BACH2: variants seen among roughly 807,000 people sequenced by gnomAD.
The protein encoded by BACH2 is BACH transcriptional regulator 2.
A neutral mutation model predicts 61.8 loss-of-function variants in BACH2; 5 were observed. The observed-to-expected ratio is 0.08, with a 90% confidence interval of 0.04 to 0.17. BACH2 has a LOEUF of 0.17. BACH2 is among the 10% of genes least tolerant of loss of function. The probability of loss-of-function intolerance (pLI) is 1.00; values close to 1 mark genes in which losing one functional copy is unlikely to be tolerated. For synonymous variants in BACH2, 446 were observed against 440.1 expected, an observed-to-expected ratio of 1.01 and a Z score of -0.17; for missense variants, 824 against 1,091.1, an observed-to-expected ratio of 0.76 and a Z score of 3.45.
chr6:90,089,399 G>C (rs887921689), intron 4 of BACH2, among the ~76,000 whole-genome samples: 29 of 151,966 alleles, frequency 1.9e-4, no homozygotes, highest in African/African-American at 6.3e-4. Flanking sequence ...CAGCCTAGGA[G>C]ATAGGTCCAT....
chr6:89,959,097 G>GCGCACACACACACA (rs1554220437), intron 6 of BACH2, among the ~76,000 whole-genome samples: 2 of 134,484 alleles, frequency 1.5e-5, no homozygotes, highest in East Asian at 4.7e-4. Flanking sequence ...ATGCACAAGT[G>GCGCACACACACACA]CACACACACA....
intron 5 of BACH2, among the ~76,000 whole-genome samples, chr6:90,072,223 C>T (rs541051966): frequency 4.6e-5 from 7 of 152,294 alleles, no homozygotes; most frequent in Non-Finnish European, 8.8e-5. Context: ...ATAGCCAAAG[C>T]ACTGGCAATG....
chr6:89,971,274 G>A (rs1775343169), intron 6 of BACH2, among the ~76,000 whole-genome samples: 1 of 152,170 alleles, frequency 6.6e-6, no homozygotes, highest in African/African-American at 2.4e-5. Context: ...TATAGGCTGA[G>A]AACAAGGTAA....
At chr6:89,943,282 C>A (rs74574920) in intron 7 of BACH2, among the ~76,000 whole-genome samples, 1 of 152,126 alleles carries the variant, frequency 6.6e-6, no homozygotes, top group Non-Finnish European at 1.5e-5. Context: ...CCTGGAATGC[C>A]GGTGCTTCCT....
chr6:90,145,857 A>G (rs1335542513), intron 4 of BACH2, among the ~76,000 whole-genome samples: 2 of 152,220 alleles, frequency 1.3e-5, no homozygotes, highest in Non-Finnish European at 2.9e-5. Context: ...AAGACAGTGT[A>G]GAAGGCAGCT....
chr6:90,080,268 C>G (rs1781665903), intron 5 of BACH2, among the ~76,000 whole-genome samples: 1 of 152,096 alleles, frequency 6.6e-6, no homozygotes, highest in African/African-American at 2.4e-5. Flanking sequence ...GTCAGTAGCA[C>G]TTGACTTATA....
rs779956808 is a variant in BACH2 at position 89,950,743 on chromosome 6, C to T, written c.1363G>A (p.Asp455Asn). The part of the protein sequence containing the change: ...VHSYSGVSSL[D>N]KDLSEPVPKG... ...GGCACCGGCTCAGAGAGGTCTTTGT[C>T]CAAACTGCTCACCCCAGAATAAGAA... is the stretch of plus-strand genomic sequence containing the variant. Residue 455 changes from aspartate (D) to asparagine (N), a missense_variant, in exon 7 of 9, where the codon GAC becomes AAC. Physicochemically the swap from Asp to Asn is conservative, Grantham distance 23. This residue lies in a region of BACH2 where 102 missense variants were observed against 98.1 expected (regional missense o/e 1.04). Transcript: ENST00000257749. The surrounding 1 kb of genome is among the most constrained non-coding windows in gnomAD (Gnocchi z 5.3). 2 of 1,614,026 alleles carry T rather than the reference C, an allele frequency of 1.2e-6. No homozygotes were observed. The highest frequency in any genetic ancestry group is 1.1e-5 in the South Asian group (1 of 91,082).
chr6:90,084,739 T>C (rs1351161844), intron 5 of BACH2, among the ~76,000 whole-genome samples: 1 of 152,162 alleles, frequency 6.6e-6, no homozygotes, highest in Non-Finnish European at 1.5e-5. Context: ...TCTTTTCAGT[T>C]ACACCTTTTC....
At chr6:90,022,172 T>C (rs371871403) in intron 5 of BACH2, among the ~76,000 whole-genome samples, 3 of 152,250 alleles carry the variant, frequency 2.0e-5, no homozygotes, top group East Asian at 3.8e-4. Flanking sequence ...TGCTAATTTT[T>C]GTTATTATTG....
In BACH2 at chr6:89,980,886, A is replaced by G. The variant is rs1775912851; in HGVS notation, c.243+27716T>C. ...TCAGGTGTCATACTATTGACTGTGT[A>G]TGGTGTTAATTTTCAGTTTTTTTTT... On this transcript the variant is annotated intron_variant, in intron 6 of 8. Coordinates refer to ENST00000257749, the MANE Select transcript of BACH2 (RefSeq NM_021813.4). Among the ~76,000 whole-genome samples the G allele has an allele frequency of 3.4e-5, 5 of 145,362 alleles. No individual in the cohort carries two copies. In the South Asian group the frequency reaches 6.6e-4, roughly 19 times the overall value.
intron 7 of BACH2, among the ~76,000 whole-genome samples, chr6:89,948,647 TC>T (rs1236758351): frequency 1.3e-5 from 2 of 152,274 alleles, no homozygotes; most frequent in East Asian, 3.9e-4. Flanking sequence ...GCACGCTCAT[TC>T]ACGGTTTCAG....
chr6:90,014,604 T>C (rs1018658334), intron 5 of BACH2, among the ~76,000 whole-genome samples: 2 of 148,364 alleles, frequency 1.3e-5, no homozygotes, highest in Admixed American at 6.8e-5. Flanking sequence ...GCCTCCCGAG[T>C]AGCTGGGACT....
chr6:90,147,121 C>T (rs905518341), intron 4 of BACH2, among the ~76,000 whole-genome samples: 1 of 151,668 alleles, frequency 6.6e-6, no homozygotes, highest in African/African-American at 2.4e-5. Context: ...GGGTAACTTG[C>T]TATATGCAAT....
chr6:90,048,036 C>G (rs1162502229), intron 5 of BACH2, among the ~76,000 whole-genome samples: 3 of 152,184 alleles, frequency 2.0e-5, no homozygotes, highest in Non-Finnish European at 2.9e-5. Flanking sequence ...CTTGTGACAC[C>G]TAGAAATTCA....
intron 4 of BACH2, among the ~76,000 whole-genome samples, chr6:90,166,618 C>T (rs1297766678): frequency 1.1e-4 from 17 of 152,060 alleles, no homozygotes; most frequent in Admixed American, 9.2e-4. Context: ...ATGTTTATTG[C>T]GGCACTATTC....
chr6:89,975,232 A>C (rs937829719), intron 6 of BACH2, among the ~76,000 whole-genome samples: 3 of 152,238 alleles, frequency 2.0e-5, no homozygotes, highest in Admixed American at 2.0e-4. Flanking sequence ...TTGAAGAGGC[A>C]GAAATTGCTA....
At chr6:90,267,939 T>C (rs759784591) in intron 2 of BACH2, among the ~76,000 whole-genome samples, 1 of 152,034 alleles carries the variant, frequency 6.6e-6, no homozygotes, top group Non-Finnish European at 1.5e-5. Flanking sequence ...ATTTTATGCA[T>C]TGTCCTACAA....
chr6:90,239,329 A>G (rs1255093195), intron 3 of BACH2, among the ~76,000 whole-genome samples: 1 of 152,196 alleles, frequency 6.6e-6, no homozygotes, highest in East Asian at 1.9e-4. Flanking sequence ...TGAATTCAGC[A>G]ACAATCTTGA....
At chr6:90,234,899 G>A (rs765306098) in intron 3 of BACH2, among the ~76,000 whole-genome samples, 1 of 152,092 alleles carries the variant, frequency 6.6e-6, no homozygotes, top group Non-Finnish European at 1.5e-5. Flanking sequence ...GGGTGACCTT[G>A]GGCAAGTCAT....
Sources: gnomAD v4.1 joint callset for allele counts (sites outside exome capture counted in the v4.1 genomes callset) on GRCh38, gnomAD v4.1.1 for gene constraint, gnomAD v4.1.1 regional missense constraint, Gnocchi (gnomAD v3.1) non-coding constraint, MANE v1.5 for transcripts, NCBI Gene and HGNC (gene_info 2026-07-23, HGNC 2026-07-21) for gene names.